The following RBBP6 variants were observed in gnomAD, a reference collection of about 807,000 sequenced individuals.
RBBP6 encodes RB binding protein 6, ubiquitin ligase.
A neutral mutation model predicts 167.7 loss-of-function variants in RBBP6; 25 were observed. The ratio of observed to expected loss-of-function variants is 0.15; its 90% CI spans 0.11 to 0.21. The LOEUF is 0.21. Among genes scored for constraint, RBBP6 ranks in the 10% least tolerant of loss-of-function variants. RBBP6 has a pLI of 1.00. For missense variants in RBBP6, 1,868 were observed against 2,134.2 expected, an observed-to-expected ratio of 0.88 and a Z score of 2.46; for synonymous variants, 789 against 735.8, an observed-to-expected ratio of 1.07 and a Z score of -1.17.
Position 24,567,459 on chromosome 16 carries a change from T to C in RBBP6, c.1906T>C (p.Leu636=), listed in dbSNP as rs1232900996. 8 of 1,613,900 alleles carry C rather than the reference T, an allele frequency of 5.0e-6. No homozygotes were observed. Among genetic ancestry groups the C allele is most frequent in the Middle Eastern group, 1.6e-4 (1 of 6,084 alleles). Residue 636 remains leucine (L), a synonymous_variant, in exon 15 of 18, where the codon TTG becomes CTG. Coordinates refer to ENST00000319715, the MANE Select transcript of RBBP6 (RefSeq NM_006910.5). ...CATCCCAACAACACAAGCACCACCT[T>C]TGTCCAGGGAAGAATTCTATAGAGA... The part of the protein sequence containing the change: ...NTIPTTQAPP[L]SREEFYREQR...
chr16:24,569,781 A>G lies in RBBP6; in HGVS notation c.3091A>G (p.Lys1031Glu), dbSNP rs1045687480. 1 of 1,613,866 alleles carries G rather than the reference A, an allele frequency of 6.2e-7. No homozygotes were observed. The highest frequency in any genetic ancestry group is 8.5e-7 in the Non-Finnish European group (1 of 1,179,984). The change falls in exon 17 of 18, where the codon AAA becomes GAA. Residue 1031 changes from lysine (K) to glutamate (E), a missense_variant. Physicochemically the swap from Lys to Glu is moderately conservative, Grantham distance 56. This residue lies in a region of RBBP6 where 673 missense variants were observed against 691.5 expected (regional missense o/e 0.97). Coordinates refer to ENST00000319715, the MANE Select transcript of RBBP6 (RefSeq NM_006910.5). ...GAATGATGGATCTGCTGTGTCCAAA[A>G]AAGAAAATATTGTAAAACCTGCTAA... The part of the protein sequence containing the change: ...RKNDGSAVSK[K>E]ENIVKPAKGP...
Position 24,569,570 on chromosome 16 carries a change from A to C in RBBP6, c.2880A>C (p.Ser960=). The part of the protein sequence containing the change: ...NPELLETSRK[S]REPTGVEENK... The stretch of plus-strand genomic sequence containing the variant: ...AGTTATTAGAGACTTCTAGGAAATC[A>C]AGAGAACCTACAGGTGTTGAAGAAA... Residue 960 remains serine (S), a synonymous_variant, in exon 17 of 18, where the codon TCA becomes TCC. Transcript: ENST00000319715. 1.2e-6 allele frequency: 2 copies of C among 1,612,612 alleles called. No homozygotes were observed. Among genetic ancestry groups the C allele is most frequent in the Non-Finnish European group, 1.7e-6 (2 of 1,179,626 alleles).
chr16:24,545,951 G>GAACCTGCTGATGATATTGGTTGT (rs1175198390), intron 1 of RBBP6, among the ~76,000 whole-genome samples: 1 of 152,226 alleles, frequency 6.6e-6, no homozygotes, highest in Non-Finnish European at 1.5e-5. Flanking sequence ...CTAGAGCCAA[G>GAACCTGCTGATGATATTGGTTGT]AACCTGCTGA....
In RBBP6 at chr16:24,572,207, A is replaced by G. The variant is rs781476653; in HGVS notation, c.5141A>G (p.His1714Arg). Reference protein sequence around the residue: ...HSPSGSQTRSHSSSASSAESQ... With the variant: ...HSPSGSQTRSRSSSASSAESQ... Reference sequence around the variant, plus strand: ...CCTTCTGGAAGCCAGACCCGAAGCCACAGTAGCAGTGCCAGCTCAGCAGAA... The same window carrying G: ...CCTTCTGGAAGCCAGACCCGAAGCCGCAGTAGCAGTGCCAGCTCAGCAGAA... The change falls in exon 18 of 18, where the codon CAC becomes CGC. Residue 1714 changes from histidine to arginine, a missense_variant. His to Arg is a conservative substitution (Grantham distance 29). Coordinates refer to ENST00000319715, the MANE Select transcript of RBBP6 (RefSeq NM_006910.5). The G allele has an allele frequency of 1.2e-6, 2 of 1,614,048 alleles. No individual in the cohort carries two copies. Among genetic ancestry groups the G allele is most frequent in the African/African-American group, 1.3e-5 (1 of 74,916 alleles).
rs141420014 is a variant in RBBP6 at position 24,571,164 on chromosome 16, A to G, written c.4098A>G (p.Glu1366=). 259 of 1,613,742 alleles carry G rather than the reference A, an allele frequency of 1.6e-4. No individual in the cohort carries two copies. Among genetic ancestry groups the G allele is most frequent in the Non-Finnish European group, 1.7e-4 (196 of 1,179,732 alleles). ...ATATAGTCAAGTATCCTGAGAAAGA[A>G]AGTGAGCCATCCGAGAAAATTCAGA... The part of the protein sequence containing the change: ...PSNIVKYPEK[E]SEPSEKIQKF... The change falls in exon 18 of 18, where the codon GAA becomes GAG. Residue 1366 remains glutamate, a synonymous_variant. Coordinates refer to ENST00000319715, the MANE Select transcript of RBBP6 (RefSeq NM_006910.5).
At chr16:24,552,993 T>C (rs1898835122) in intron 3 of RBBP6, 1 of 151,968 alleles carries the variant, frequency 6.6e-6, no homozygotes, top group Admixed American at 6.6e-5. Context: ...TATTACTCTT[T>C]GTATGAGAGA....
intron 7 of RBBP6, 34 bp from the exon 8 acceptor site, chr16:24,559,470 TA>T: frequency 1.3e-6 from 2 of 1,541,280 alleles, no homozygotes; most frequent in Non-Finnish European, 1.8e-6. Context: ...TCTGCCTTCT[TA>T]ACAATGGTAA....
intron 12 of RBBP6, 22 bp downstream of exon 12, chr16:24,563,523 T>TA (rs751098266): frequency 1.2e-6 from 2 of 1,612,712 alleles, no homozygotes; most frequent in Non-Finnish European, 1.7e-6. Context: ...CACTTTGGTT[T>TA]AGACCTTTTT....
Position 24,571,713 on chromosome 16 carries a change from T to A in RBBP6, c.4647T>A (p.Tyr1549Ter). The A allele has an allele frequency of 6.2e-7, 1 of 1,614,140 alleles. No homozygotes were observed. Among genetic ancestry groups the A allele is most frequent in the Non-Finnish European group, 8.5e-7 (1 of 1,180,012 alleles). The change falls in exon 18 of 18, where the codon TAT (tyrosine) becomes TAA (stop). Residue 1549 changes from tyrosine (Y) to a stop codon, truncating the protein, a stop_gained. Coordinates refer to ENST00000319715, the MANE Select transcript of RBBP6 (RefSeq NM_006910.5). LOFTEE classifies it high-confidence loss of function. Reference protein sequence around the residue: ...DRKPHDHKATYDTKRPNEETK... With the variant: ...DRKPHDHKAT ...AACCTCATGATCACAAAGCCACTTA[T>A]GATACTAAACGGCCAAATGAAGAGA...
rs1201285695 is a variant in RBBP6, at chr16:24,562,154, C to A, written c.1282C>A (p.Pro428Thr). ...AGTTCATTCAGAAAAATCAGATGGA[C>A]CTTTTCGGTAAGCCTGTGTGTTTTT... ...ISVHSEKSDG[P>T]FRDSDNKILP... Residue 428 changes from proline (P) to threonine (T), a missense_variant, in exon 10 of 18, where the codon CCT becomes ACT. By Grantham distance (38) the Pro-to-Thr change is conservative (BLOSUM62 -1). Around this residue, in one of 7 missense-constraint regions of RBBP6, gnomAD observed 245 missense variants for 240.1 expected, o/e 1.02. Coordinates refer to ENST00000319715, the MANE Select transcript of RBBP6 (RefSeq NM_006910.5). 6.2e-7 allele frequency: 1 copy of A among 1,602,466 alleles called. No homozygotes were observed. Among genetic ancestry groups the A allele is most frequent in the Admixed American group, 1.7e-5 (1 of 59,984 alleles).
intron 7 of RBBP6, among the ~76,000 whole-genome samples, chr16:24,559,156 G>A (rs72785713): frequency 0.027 from 4,100 of 151,860 alleles, 104 homozygotes; most frequent in Non-Finnish European, 0.038. Flanking sequence ...TGTGATTATG[G>A]TGTTGTCTAA....
chr16:24,567,703 T>G, intron 15 of RBBP6, 89 bp from the exon 16 acceptor site: 5 of 1,303,112 alleles, frequency 3.8e-6, no homozygotes, highest in Non-Finnish European at 5.4e-6. Flanking sequence ...GCAATTTCAT[T>G]CATTTCATTC....
chr16:24,563,528 CT>C, intron 12 of RBBP6, 27 bp downstream of exon 12: 2 of 1,611,352 alleles, frequency 1.2e-6, no homozygotes, highest in Non-Finnish European at 1.7e-6. Flanking sequence ...TGGTTTAGAC[CT>C]TTTTCCCTTT....
rs529001152 is a variant in RBBP6, at chr16:24,550,235, C to T, written c.303+1254C>T. On this transcript the variant is annotated intron_variant, in intron 3 of 17. Coordinates refer to ENST00000319715, the MANE Select transcript of RBBP6 (RefSeq NM_006910.5). The stretch of plus-strand genomic sequence containing the variant: ...AACATGATAATATAGAATATCTGAA[C>T]ATTGGACTTGTTCTTTAGAGTATAT... 5.3e-5 allele frequency among the ~76,000 whole-genome samples: 8 copies of T among 151,848 alleles called. No homozygotes were observed. The East Asian group carries it at 1.3e-3, about 26-fold the overall frequency.
chr16:24,564,910 T>A (rs775195197), intron 14 of RBBP6, 45 bp downstream of exon 14: 1 of 1,566,470 alleles, frequency 6.4e-7, no homozygotes, highest in Non-Finnish European at 8.6e-7. Flanking sequence ...TTATTTTTTA[T>A]ATATATATCT....
chr16:24,540,401 C>G lies in RBBP6; in HGVS notation c.-226C>G, dbSNP rs755466404. 2.3e-6 allele frequency: 1 copy of G among 432,098 alleles called. No homozygotes were observed. The allele number at this position is 432,098 out of a possible 1,614,324, so 26.8% of individuals were successfully genotyped here. On this transcript the variant is annotated 5_prime_UTR_variant, in exon 1 of 18. Transcript: ENST00000319715. ...CTCGATTTCCCCTCTTCCCCGTCCT[C>G]GTCCTCCTCCTCCCCCATGAAGTGA...
At chr16:24,549,305 A>ATGT in intron 3 of RBBP6, 1 of 1,156,468 alleles carries the variant, frequency 8.6e-7, no homozygotes, top group Non-Finnish European at 1.1e-6. Flanking sequence ...ACATGATGAC[A>ATGT]TGTTCTACAT....
intron 14 of RBBP6, among the ~76,000 whole-genome samples, chr16:24,566,700 C>G (rs1449748170): frequency 6.6e-6 from 1 of 152,124 alleles, no homozygotes; most frequent in Non-Finnish European, 1.5e-5. Flanking sequence ...CAAGATTACA[C>G]CACTGTAGTC....
In RBBP6 at chr16:24,540,679, C is replaced by T. The variant is rs938522432; in HGVS notation, c.53C>T (p.Thr18Ile). ...FSSKLNYDTVTFDGLHISLCD... is the reference protein window; with the variant it reads ...FSSKLNYDTVIFDGLHISLCD... The stretch of plus-strand genomic sequence containing the variant: ...TCTAAACTCAACTATGATACCGTCA[C>T]CTTTGATGGGCTCCACATCTCCCTC... Residue 18 changes from threonine to isoleucine, a missense_variant, in exon 1 of 18, where the codon ACC becomes ATC. Coordinates refer to ENST00000319715, the MANE Select transcript of RBBP6 (RefSeq NM_006910.5). 2 of 1,614,168 alleles carry T rather than the reference C, an allele frequency of 1.2e-6. No individual in the cohort carries two copies. The highest frequency in any genetic ancestry group is 1.7e-6 in the Non-Finnish European group (2 of 1,180,016).
Sources: allele counts gnomAD v4.1 joint callset (sites outside exome capture counted in the v4.1 genomes callset), GRCh38; gene constraint gnomAD v4.1.1; regional missense constraint gnomAD v4.1.1; transcripts MANE v1.5; gene names NCBI Gene and HGNC (gene_info 2026-07-23, HGNC 2026-07-21).